The following KIAA1328 variants were observed in gnomAD, a reference collection of about 807,000 sequenced individuals.
KIAA1328 encodes KIAA1328.
A neutral mutation model predicts 68.1 loss-of-function variants in KIAA1328; 52 were observed. The ratio of observed to expected loss-of-function variants is 0.76; its 90% CI spans 0.61 to 0.96. The LOEUF (loss-of-function observed/expected upper bound fraction) is 0.96, where lower values mean the gene tolerates loss of function less well. Among genes scored for constraint, KIAA1328 ranks in the 40% least tolerant of loss-of-function variants. The pLI is 0.00. For missense variants in KIAA1328, 641 were observed against 677.6 expected, an observed-to-expected ratio of 0.95 and a Z score of 0.60; for synonymous variants, 232 against 239.4, an observed-to-expected ratio of 0.97 and a Z score of 0.28.
At chr18:37,197,164 A>G (rs1463769920) in intron 9 of KIAA1328, among the ~76,000 whole-genome samples, 1 of 151,792 alleles carries the variant, frequency 6.6e-6, no homozygotes, top group African/African-American at 2.4e-5. Context: ...CTGGGATGCA[A>G]AATGTTTCTT....
chr18:36,953,125 A>G (rs2051232096), intron 5 of KIAA1328, among the ~76,000 whole-genome samples: 4 of 151,330 alleles, frequency 2.6e-5, no homozygotes, highest in Admixed American at 2.6e-4. Context: ...GGCATTGCCT[A>G]TATCTGCTTT....
At chr18:37,140,719 A>T (rs1338846170) in intron 7 of KIAA1328, among the ~76,000 whole-genome samples, 2 of 152,152 alleles carry the variant, frequency 1.3e-5, no homozygotes, top group African/African-American at 4.8e-5. Context: ...CTTGATATTG[A>T]TTATTTTTTC....
intron 9 of KIAA1328, among the ~76,000 whole-genome samples, chr18:37,206,933 C>T (rs1036657670): frequency 3.9e-5 from 6 of 152,020 alleles, no homozygotes; most frequent in African/African-American, 1.5e-4. Flanking sequence ...CCTTTGAGTA[C>T]AATGCTGAAT....
intron 7 of KIAA1328, among the ~76,000 whole-genome samples, chr18:37,144,977 G>A (rs1437662437): frequency 6.6e-6 from 1 of 152,142 alleles, no homozygotes; most frequent in Non-Finnish European, 1.5e-5. Flanking sequence ...GCTCATGCCT[G>A]TAATCTCAAC....
chr18:36,857,981 A>G (rs529922880), intron 4 of KIAA1328, among the ~76,000 whole-genome samples: 1 of 152,256 alleles, frequency 6.6e-6, no homozygotes, highest in South Asian at 2.1e-4. Context: ...ATCATTGTTT[A>G]TAGTGGTCTA....
At chr18:37,170,545 ACT>A (rs2059480026) in intron 8 of KIAA1328, among the ~76,000 whole-genome samples, 1 of 152,118 alleles carries the variant, frequency 6.6e-6, no homozygotes, top group Non-Finnish European at 1.5e-5. Flanking sequence ...TGCTAATGTA[ACT>A]CTCTGTCTCC....
At chr18:37,150,677 T>C (rs145799921) in intron 7 of KIAA1328, among the ~76,000 whole-genome samples, 75 of 151,868 alleles carry the variant, frequency 4.9e-4, no homozygotes, top group African/African-American at 1.6e-3. Context: ...GGCTTAACAT[T>C]TGAAAATCAG....
At chr18:36,921,728 T>C (rs926081157) in intron 5 of KIAA1328, among the ~76,000 whole-genome samples, 4 of 152,256 alleles carry the variant, frequency 2.6e-5, no homozygotes, top group East Asian at 1.9e-4. Context: ...TTAACAGACA[T>C]CCAACTTACA....
At chr18:37,016,109 G>C (rs540537149) in intron 6 of KIAA1328, among the ~76,000 whole-genome samples, 28 of 152,162 alleles carry the variant, frequency 1.8e-4, no homozygotes, top group Middle Eastern at 3.4e-3. Flanking sequence ...GTTTTTGCCT[G>C]TTTAGCATGG....
chr18:37,053,812 G>C (rs964049737), intron 6 of KIAA1328, among the ~76,000 whole-genome samples: 2 of 152,048 alleles, frequency 1.3e-5, no homozygotes, highest in Non-Finnish European at 2.9e-5. Context: ...CCCCCAACAC[G>C]TGAGGATTAC....
At chr18:36,954,472 T>A (rs1461853766) in intron 5 of KIAA1328, 2 of 152,146 alleles carry the variant, frequency 1.3e-5, no homozygotes, top group Admixed American at 1.3e-4. Context: ...ACCACCAGAT[T>A]GTACCATTGA....
rs550781166 is a variant in KIAA1328 at position 37,225,170 on chromosome 18, A to T, written c.*2943A>T. ...AGAATCAGGGGAGAGGAGAGGCCTG[A>T]TGGGGCAGAGCTGGACGAAGTCTGC... On this transcript the variant is annotated 3_prime_UTR_variant, in exon 10 of 10. Coordinates refer to ENST00000280020, the MANE Select transcript of KIAA1328 (RefSeq NM_020776.3). 3.0e-6 allele frequency: 3 copies of T among 985,470 alleles called. No homozygotes were observed. Among genetic ancestry groups the T allele is most frequent in the South Asian group, 9.4e-5 (2 of 21,284 alleles). The allele number at this position is 985,470 out of a possible 1,614,324, so 61.0% of individuals were successfully genotyped here. A position where few individuals can be genotyped will look rare whatever the true frequency, so the allele number is the denominator to read the frequency against.
intron 7 of KIAA1328, among the ~76,000 whole-genome samples, chr18:37,122,732 G>C (rs2058302308): frequency 6.6e-6 from 1 of 152,094 alleles, no homozygotes; most frequent in African/African-American, 2.4e-5. Context: ...CAGGAGGTGA[G>C]ATGGTCTGCT....
At chr18:37,005,387 A>G (rs1231038077) in intron 6 of KIAA1328, among the ~76,000 whole-genome samples, 5 of 151,990 alleles carry the variant, frequency 3.3e-5, no homozygotes, top group Non-Finnish European at 4.4e-5. Flanking sequence ...GTAAATCAAA[A>G]CCAGAGTGTC....
chr18:36,973,830 T>TACACAC (rs111392122), intron 6 of KIAA1328, among the ~76,000 whole-genome samples: 1,840 of 147,362 alleles, frequency 0.012, 61 homozygotes, highest in Admixed American at 0.075. Context: ...CACACACACA[T>TACACAC]ACACACACAC....
chr18:36,930,848 G>A (rs1490480658), intron 5 of KIAA1328, among the ~76,000 whole-genome samples: 1 of 151,864 alleles, frequency 6.6e-6, no homozygotes, highest in Non-Finnish European at 1.5e-5. Flanking sequence ...ATTTAAATAT[G>A]AAATGAAAAA....
chr18:37,046,450 C>T (rs2055472975), intron 6 of KIAA1328, among the ~76,000 whole-genome samples: 1 of 152,052 alleles, frequency 6.6e-6, no homozygotes, highest in Non-Finnish European at 1.5e-5. Flanking sequence ...ATGTTGTTTC[C>T]AACCCTGTGA....
At chr18:37,019,448 G>A (rs1418513295) in intron 6 of KIAA1328, among the ~76,000 whole-genome samples, 3 of 152,214 alleles carry the variant, frequency 2.0e-5, no homozygotes, top group African/African-American at 7.2e-5. Context: ...ACCTCACGGT[G>A]CCGGGAGGCA....
At chr18:37,132,096 AAAG>A (rs2058536516) in intron 7 of KIAA1328, among the ~76,000 whole-genome samples, 1 of 152,184 alleles carries the variant, frequency 6.6e-6, no homozygotes, top group Non-Finnish European at 1.5e-5. Flanking sequence ...GGCAAAAAAA[AAAG>A]GAGAGATTTC....
Sources: allele counts gnomAD v4.1 joint callset (sites outside exome capture counted in the v4.1 genomes callset), GRCh38; gene constraint gnomAD v4.1.1; transcripts MANE v1.5; gene names NCBI Gene and HGNC (gene_info 2026-07-23, HGNC 2026-07-21).